Variants in VAC14 observed in about 807,000 individuals in gnomAD.
VAC14 encodes protein VAC14 homolog.
VAC14 carries 47 observed loss-of-function variants against 85.3 expected under a neutral mutation model. The observed-to-expected ratio is 0.55, with a 90% CI of 0.44 to 0.70. The LOEUF is 0.70. VAC14 is among the 30% of genes least tolerant of loss of function. The pLI, the probability that VAC14 is intolerant of heterozygous loss-of-function variation, is 0.00. For synonymous variants in VAC14, 447 were observed against 430.5 expected, an observed-to-expected ratio of 1.04 and a Z score of -0.47; for missense variants, 861 against 1,004.3, an observed-to-expected ratio of 0.86 and a Z score of 1.93.
chr16:70,722,107 C>T (rs1222586291), intron 14 of VAC14, among the ~76,000 whole-genome samples: 1 of 152,226 alleles, frequency 6.6e-6, no homozygotes, highest in Non-Finnish European at 1.5e-5. Context: ...AGGACAACGG[C>T]AAATGACCCA....
intron 12 of VAC14, chr16:70,761,142 T>A (rs1459478500): frequency 6.6e-6 from 3 of 454,814 alleles, no homozygotes; most frequent in Non-Finnish European, 8.8e-6. Flanking sequence ...CCTGTCCATT[T>A]CTCTCTTCAG....
At chr16:70,722,124 C>T (rs2054309071) in intron 14 of VAC14, among the ~76,000 whole-genome samples, 2 of 152,208 alleles carry the variant, frequency 1.3e-5, no homozygotes, top group African/African-American at 4.8e-5. Flanking sequence ...CCCAAGGCCC[C>T]CACTCTCCTG....
At chr16:70,690,710 C>T (rs2053580656) in intron 18 of VAC14, 2 of 985,574 alleles carry the variant, frequency 2.0e-6, no homozygotes, top group Non-Finnish European at 2.4e-6. Context: ...CCTCCCAGGG[C>T]TGGGACTGTC....
chr16:70,689,775 A>G, intron 18 of VAC14: 9 of 985,558 alleles, frequency 9.1e-6, no homozygotes, highest in Non-Finnish European at 9.6e-6. Flanking sequence ...GGCTGTGGGC[A>G]GTGTTCTAGG....
chr16:70,785,774 G>A lies in VAC14; in HGVS notation c.351C>T (p.Leu117=). 1.3e-6 allele frequency: 2 copies of A among 1,586,840 alleles called. No individual in the cohort carries two copies. The highest frequency in any genetic ancestry group is 1.7e-6 in the Non-Finnish European group (2 of 1,164,962). Residue 117 remains leucine, a synonymous_variant, in exon 3 of 19, where the codon CTC becomes CTT. Transcript: ENST00000261776. ...CCCGGGCCACCTTGACGATGTTGTA[G>A]AGGGCCTCGCAGGCATAGTAGCGCA... ...SRLRYYACEA[L]YNIVKVARGA... is the part of the protein sequence containing the mutation.
In VAC14 at chr16:70,694,734, G is replaced by A. The variant is rs185742519; in HGVS notation, c.2035+810C>T. On this transcript the variant is annotated intron_variant, in intron 17 of 18. Coordinates refer to ENST00000261776, the MANE Select transcript of VAC14 (RefSeq NM_018052.5). ...AAGTGTGTATGTTGAGGTGCTGAGA[G>A]CTGTGCTCGCCCCAGCCAGCTGCCA... Among the ~76,000 whole-genome samples the A allele has an allele frequency of 3.3e-4, 51 of 152,362 alleles. 1 individual carries two copies. Among genetic ancestry groups the A allele is most frequent in the African/African-American group, 1.1e-3 (46 of 41,572 alleles).
In VAC14 at chr16:70,785,050, C is replaced by A. The variant is rs547060818; in HGVS notation, c.424-212G>T. On this transcript the variant is annotated intron_variant, in intron 3 of 18. Coordinates refer to ENST00000261776, the MANE Select transcript of VAC14 (RefSeq NM_018052.5). ...GCTGAGGAGCAGATTCAGGAAATAC[C>A]CTTCTGTTCAGGGACTTCTCCCATG... Among the ~76,000 whole-genome samples the A allele has an allele frequency of 1.7e-3, 255 of 152,290 alleles. 2 individuals are homozygous for A. Among genetic ancestry groups the A allele is most frequent in the African/African-American group, 5.9e-3 (247 of 41,550 alleles).
At position 70,736,967 on chromosome 16, in the gene VAC14, G is replaced by A. The variant is rs997723689; in HGVS notation, c.1529-5340C>T. Among the ~76,000 whole-genome samples, 17 of 152,234 alleles carry A rather than the reference G, an allele frequency of 1.1e-4. No homozygotes were observed. In the South Asian group the frequency reaches 2.1e-3, roughly 19 times the overall value. ...CAGCAGGACAGGGTGGGGGCTGCTC[G>A]CTCTTTCCCAGCCTCAGTGGCCCCC... On this transcript the variant is annotated intron_variant, in intron 13 of 18. Coordinates refer to ENST00000261776, the MANE Select transcript of VAC14 (RefSeq NM_018052.5).
At chr16:70,748,797 A>G (rs544705769) in intron 12 of VAC14, among the ~76,000 whole-genome samples, 1 of 152,288 alleles carries the variant, frequency 6.6e-6, no homozygotes, top group African/African-American at 2.4e-5. Flanking sequence ...AAATACAAAA[A>G]TTAGTTGGTA....
intron 2 of VAC14, 155 bp downstream of exon 2, chr16:70,786,060 G>A (rs1388191219): frequency 7.8e-6 from 11 of 1,409,050 alleles, no homozygotes; most frequent in Admixed American, 4.4e-5. Flanking sequence ...CTGCAAGGCC[G>A]CAAAGCCAGC....
intron 12 of VAC14, among the ~76,000 whole-genome samples, chr16:70,753,846 T>C (rs1005578988): frequency 1.3e-5 from 2 of 152,184 alleles, no homozygotes; most frequent in Non-Finnish European, 2.9e-5. Flanking sequence ...GCCCTGCAGC[T>C]TGGCTCTAGG....
rs749472624 is a variant in VAC14 at position 70,783,451 on chromosome 16, C to T, written c.698G>A (p.Arg233His). 10 of 1,613,854 alleles carry T rather than the reference C, an allele frequency of 6.2e-6. No homozygotes were observed. The highest frequency in any genetic ancestry group is 1.7e-5 in the Admixed American group (1 of 60,000). ...QILGDNGKEIRKMCEVVLGEF... is the reference protein window; with the variant it reads ...QILGDNGKEIHKMCEVVLGEF... ...TGCCCCTTACTCCACTCACATTTTG[C>T]GAATCTCTTTGCCATTGTCACCCAG... Residue 233 changes from arginine (R) to histidine (H), a missense_variant, in exon 6 of 19, where the codon CGC becomes CAC. By Grantham distance (29) the Arg-to-His change is conservative (BLOSUM62 0). Transcript: ENST00000261776.
chr16:70,798,360 T>C (rs557169459), intron 1 of VAC14, among the ~76,000 whole-genome samples: 25 of 152,340 alleles, frequency 1.6e-4, no homozygotes, highest in Non-Finnish European at 2.5e-4. Flanking sequence ...TGCAGTCTGA[T>C]TAATGAGAGA....
intron 10 of VAC14, 108 bp downstream of exon 10, chr16:70,772,001 C>G: frequency 1.0e-6 from 1 of 995,124 alleles, no homozygotes; most frequent in East Asian, 2.5e-5. Context: ...CCAAAAGCAG[C>G]AGCCGCGAGT....
At position 70,689,808 on chromosome 16, in the gene VAC14, A is replaced by G. The variant is rs921608496; in HGVS notation, c.2187-1718T>C. 1.4e-5 allele frequency: 14 copies of G among 984,854 alleles called. No individual in the cohort carries two copies. The African/African-American group carries it at 2.5e-4, about 17-fold the overall frequency. 61.0% of individuals were successfully genotyped at this position (984,854 alleles called of 1,614,324 possible). ...AGGCTGTGGTTGCTACTGGGAAGGG[A>G]CCTCCCAGGCACAGTAACCTTGGGA... On this transcript the variant is annotated intron_variant, in intron 18 of 18. Transcript: ENST00000261776.
At chr16:70,689,539 G>C in intron 18 of VAC14, 1 of 985,542 alleles carries the variant, frequency 1.0e-6, no homozygotes, top group East Asian at 1.1e-4. Context: ...GATGCCATCT[G>C]GGGCCCGGAG....
chr16:70,748,750 C>T (rs2031128113), intron 12 of VAC14, among the ~76,000 whole-genome samples: 1 of 152,146 alleles, frequency 6.6e-6, no homozygotes, highest in Non-Finnish European at 1.5e-5. Flanking sequence ...AATTCAAGAC[C>T]AGCCTGGCCA....
intron 1 of VAC14, among the ~76,000 whole-genome samples, chr16:70,791,388 C>G (rs887864291): frequency 1.3e-5 from 2 of 152,080 alleles, no homozygotes; most frequent in Non-Finnish European, 2.9e-5. Context: ...ACCTCCACAA[C>G]TTTTTTTTCC....
intron 18 of VAC14, chr16:70,688,662 C>A: frequency 1.0e-6 from 1 of 985,620 alleles, no homozygotes; most frequent in Non-Finnish European, 1.2e-6. Context: ...GACATGCCTA[C>A]AGCTCCTACA....
Sources: gnomAD v4.1 joint callset for allele counts (sites outside exome capture counted in the v4.1 genomes callset) on GRCh38, gnomAD v4.1.1 for gene constraint, MANE v1.5 for transcripts, NCBI Gene and HGNC (gene_info 2026-07-23, HGNC 2026-07-21) for gene names.